KCNH7: variants seen among roughly 807,000 people sequenced by gnomAD.
The protein encoded by KCNH7 is voltage-gated inwardly rectifying potassium channel KCNH7.
A neutral mutation model predicts 120.8 loss-of-function variants in KCNH7; 49 were observed. The ratio of observed to expected loss-of-function variants is 0.41; its 90% CI spans 0.32 to 0.51. The LOEUF is 0.51. Among genes scored for constraint, KCNH7 ranks in the 20% least tolerant of loss-of-function variants. The pLI is 0.38. For missense variants in KCNH7, 1,097 were observed against 1,446.6 expected (o/e 0.76, Z 3.92); for synonymous variants, 547 against 516.1 (o/e 1.06, Z -0.81).
intron 2 of KCNH7, among the ~76,000 whole-genome samples, chr2:162,571,650 A>T (rs929037603): frequency 5.4e-5 from 8 of 147,848 alleles, no homozygotes; most frequent in Admixed American, 1.4e-4. Context: ...AAACTATACT[A>T]CAAGGCTACA....
intron 2 of KCNH7, among the ~76,000 whole-genome samples, chr2:162,711,889 A>C (rs930849033): frequency 4.6e-5 from 7 of 152,134 alleles, no homozygotes; most frequent in East Asian, 1.9e-4. Context: ...AACAAACAAA[A>C]AAAATGCTAA....
At chr2:162,442,007 T>TTTTTTTTTTTTTTG (rs1688434399) in intron 7 of KCNH7, among the ~76,000 whole-genome samples, 1 of 89,746 alleles carries the variant, frequency 1.1e-5, no homozygotes, top group Non-Finnish European at 2.1e-5. Flanking sequence ...TTCTTTTTTT[T>TTTTTTTTTTTTTTG]TTTTTTTTTT....
intron 2 of KCNH7, among the ~76,000 whole-genome samples, chr2:162,709,629 A>G (rs1424921496): frequency 1.3e-5 from 2 of 152,080 alleles, no homozygotes; most frequent in African/African-American, 2.4e-5. Flanking sequence ...CTTTTGTAAA[A>G]TTTTACTCCA....
intron 2 of KCNH7, among the ~76,000 whole-genome samples, chr2:162,789,327 T>A (rs1449800495): frequency 6.6e-6 from 1 of 152,028 alleles, no homozygotes; most frequent in African/African-American, 2.4e-5. Context: ...CTAATAGATA[T>A]ACAATATCTA....
At chr2:162,768,641 G>C (rs1397927346) in intron 2 of KCNH7, among the ~76,000 whole-genome samples, 1 of 152,178 alleles carries the variant, frequency 6.6e-6, no homozygotes, top group Non-Finnish European at 1.5e-5. Context: ...ATGAAGGAAG[G>C]TTTGGGAAAC....
intron 2 of KCNH7, among the ~76,000 whole-genome samples, chr2:162,778,502 C>T (rs1042824762): frequency 2.6e-5 from 4 of 152,140 alleles, no homozygotes; most frequent in African/African-American, 9.7e-5. Flanking sequence ...CTTCTCATTA[C>T]TCTACACTGT....
chr2:162,524,132 C>A (rs567998746), intron 3 of KCNH7, among the ~76,000 whole-genome samples: 1 of 152,036 alleles, frequency 6.6e-6, no homozygotes, highest in South Asian at 2.1e-4. Flanking sequence ...AGGGAGTACT[C>A]TCATGGGTTA....
At chr2:162,413,961 C>T (rs1200386506) in intron 9 of KCNH7, among the ~76,000 whole-genome samples, 1 of 151,438 alleles carries the variant, frequency 6.6e-6, no homozygotes, top group Non-Finnish European at 1.5e-5. Flanking sequence ...TACGAATGGG[C>T]AATTCATAGA....
At chr2:162,562,204 T>C (rs1693096869) in intron 2 of KCNH7, among the ~76,000 whole-genome samples, 1 of 152,174 alleles carries the variant, frequency 6.6e-6, no homozygotes, top group Non-Finnish European at 1.5e-5. Context: ...GAACTTAAAG[T>C]ATAATTTTAA....
chr2:162,546,797 C>T (rs1327414835), intron 2 of KCNH7, among the ~76,000 whole-genome samples: 1 of 151,778 alleles, frequency 6.6e-6, no homozygotes, highest in Non-Finnish European at 1.5e-5. Flanking sequence ...GTAAAAAGTA[C>T]TATACCAGAA....
At chr2:162,725,605 G>C (rs1687484744) in intron 2 of KCNH7, among the ~76,000 whole-genome samples, 2 of 152,132 alleles carry the variant, frequency 1.3e-5, no homozygotes, top group African/African-American at 4.8e-5. Flanking sequence ...AGTTATTCAT[G>C]AACAAGACCA....
chr2:162,737,076 ATCT>A, intron 2 of KCNH7, among the ~76,000 whole-genome samples: 1 of 152,300 alleles, frequency 6.6e-6, no homozygotes, highest in Admixed American at 6.5e-5. Flanking sequence ...TGAGATTTTG[ATCT>A]TCTCCTAAAC....
At chr2:162,510,432 T>C (rs996858613) in intron 5 of KCNH7, among the ~76,000 whole-genome samples, 1 of 151,548 alleles carries the variant, frequency 6.6e-6, no homozygotes, top group Non-Finnish European at 1.5e-5. Flanking sequence ...AGGTTAGCTC[T>C]TTGTGTAACA....
intron 2 of KCNH7, among the ~76,000 whole-genome samples, chr2:162,704,953 T>G (rs192716140): frequency 6.6e-6 from 1 of 152,186 alleles, no homozygotes; most frequent in African/African-American, 2.4e-5. Flanking sequence ...TGGGTAAAAC[T>G]TAAAAGAAAT....
At chr2:162,784,366 T>G (rs1416492155) in intron 2 of KCNH7, among the ~76,000 whole-genome samples, 2 of 152,144 alleles carry the variant, frequency 1.3e-5, no homozygotes, top group Admixed American at 6.5e-5. Context: ...CTGGCTGATT[T>G]ACAGTGTGGA....
chr2:162,723,428 G>A (rs1301784163), intron 2 of KCNH7, among the ~76,000 whole-genome samples: 1 of 152,090 alleles, frequency 6.6e-6, no homozygotes, highest in Non-Finnish European at 1.5e-5. Context: ...GGTATACAAA[G>A]AAATATTATT....
chr2:162,684,057 C>A (rs908561524), intron 2 of KCNH7, among the ~76,000 whole-genome samples: 1 of 151,966 alleles, frequency 6.6e-6, no homozygotes, highest in Admixed American at 6.6e-5. Flanking sequence ...CATCTACAAC[C>A]ATCTGATCTT....
At chr2:162,739,995 A>G (rs1422645225) in intron 2 of KCNH7, among the ~76,000 whole-genome samples, 9 of 152,202 alleles carry the variant, frequency 5.9e-5, no homozygotes, top group Non-Finnish European at 1.2e-4. Context: ...CAAGTAGTTC[A>G]CAGACCAGTG....
chr2:162,527,759 G>A (rs1691763660), intron 3 of KCNH7, among the ~76,000 whole-genome samples: 1 of 151,768 alleles, frequency 6.6e-6, no homozygotes, highest in Non-Finnish European at 1.5e-5. Flanking sequence ...CAAAGATAAT[G>A]GATATCCTTT....
Sources: allele counts gnomAD v4.1 joint callset (sites outside exome capture counted in the v4.1 genomes callset), GRCh38; gene constraint gnomAD v4.1.1; transcripts MANE v1.5; gene names NCBI Gene and HGNC (gene_info 2026-07-23, HGNC 2026-07-21).